The following SOS1 variants were observed in gnomAD, a reference collection of about 807,000 sequenced individuals.
SOS1 encodes the protein SOS Ras/Rac guanine nucleotide exchange factor 1, also known as son of sevenless homolog 1.
Under a neutral mutation model 157.6 loss-of-function variants are expected in SOS1, and 25 were observed. The observed-to-expected ratio is 0.16, with a 90% confidence interval of 0.12 to 0.22. SOS1 has a LOEUF of 0.22. Ranked by LOEUF, SOS1 falls within the 10% of genes least tolerant of loss-of-function variation. SOS1 has a pLI of 1.00. For synonymous variants in SOS1, 528 were observed against 534.0 expected (o/e 0.99, Z 0.16); for missense variants, 1,237 against 1,599.1 (o/e 0.77, Z 3.86).
chr2:39,102,456 A>T (rs1673005566), intron 1 of SOS1, among the ~76,000 whole-genome samples: 1 of 132,514 alleles, frequency 7.5e-6, no homozygotes, highest in South Asian at 2.6e-4. Context: ...ACTAAAACCC[A>T]GGAGGCCAAG....
At chr2:39,124,582 G>A (rs1054916437), upstream of SOS1, among the ~76,000 whole-genome samples, 3 of 152,254 alleles carry the variant, frequency 2.0e-5, no homozygotes, top group Admixed American at 1.3e-4. Flanking sequence ...TGCCCTGCTG[G>A]CCAGGACGCG....
At position 39,023,198 on chromosome 2, in the gene SOS1, C is replaced by T. The variant is rs141390073; in HGVS notation, c.1230G>A (p.Gln410=). The change falls in exon 10 of 23, where the codon CAG becomes CAA. Residue 410 remains glutamine (Q), a synonymous_variant. Transcript: ENST00000402219. ...TTGCTAGTTGTTTCCCCTTCATTTG[C>T]TGACTATAAAACCGACATGCAGATT... ...LSESACRFYS[Q]QMKGKQLAIK... 1.9e-3 allele frequency: 3,021 copies of T among 1,613,054 alleles called. 56 individuals are homozygous for T. In the Admixed American group the frequency reaches 0.036, roughly 19 times the overall value.
At chr2:38,988,945 C>CTTTTTT (rs3085353) in intron 21 of SOS1, among the ~76,000 whole-genome samples, 4 of 142,008 alleles carry the variant, frequency 2.8e-5, no homozygotes, top group Non-Finnish European at 6.1e-5. Flanking sequence ...ATGCTCTTGC[C>CTTTTTT]TTTTTTTTTT....
intron 10 of SOS1, among the ~76,000 whole-genome samples, chr2:39,020,272 GA>G (rs1669757629): frequency 6.6e-6 from 1 of 151,586 alleles, no homozygotes; most frequent in Non-Finnish European, 1.5e-5. Flanking sequence ...AAAGTTGGCT[GA>G]CACCACAGTG....
chr2:38,997,154 GTTTAT>G, intron 18 of SOS1, 94 bp downstream of exon 18: 1 of 1,117,930 alleles, frequency 8.9e-7, no homozygotes, highest in Non-Finnish European at 1.3e-6. Flanking sequence ...TTCTTTTAAG[GTTTAT>G]TTTACTTTTT....
At chr2:39,041,605 GAAGATTCAGACCTGTTTTCTTCC>G (rs773479703) in intron 6 of SOS1, among the ~76,000 whole-genome samples, 1 of 152,100 alleles carries the variant, frequency 6.6e-6, no homozygotes, top group Non-Finnish European at 1.5e-5. Flanking sequence ...TTGCCAAATT[GAAGATTCAGACCTGTTTTCTTCC>G]AAGAGTTTTA....
Position 39,037,608 on chromosome 2 carries a change from T to C in SOS1, c.865-2108A>G, listed in dbSNP as rs1036819215. ...GTGCTTCACTTTATTGTGCTTTGCA[T>C]ATATTGCCTTTTTTTTTTTTAACAA... On this transcript the variant is annotated intron_variant, in intron 6 of 22. Transcript: ENST00000402219. Among the ~76,000 whole-genome samples, 4 of 94,896 alleles carry C rather than the reference T, an allele frequency of 4.2e-5. No homozygotes were observed. The Admixed American group carries it at 5.1e-4, about 12-fold the overall frequency. The allele number at this position is 94,896 out of a possible 152,430, so 62.3% of individuals were successfully genotyped here. A position where few individuals can be genotyped will look rare whatever the true frequency, so the allele number is the denominator to read the frequency against.
At chr2:39,071,244 T>C (rs149452496) in intron 1 of SOS1, among the ~76,000 whole-genome samples, 153 of 152,236 alleles carry the variant, frequency 1.0e-3, no homozygotes, top group East Asian at 4.8e-3. Context: ...ACTGCAAATA[T>C]TGAACCTGGG....
intron 1 of SOS1, among the ~76,000 whole-genome samples, chr2:39,102,530 C>CAAAA (rs70954782): frequency 0.013 from 634 of 48,404 alleles, 6 homozygotes; most frequent in Middle Eastern, 0.083. Flanking sequence ...GACTCCATCT[C>CAAAA]AAAAAAAAAA....
At chr2:39,057,720 C>G (rs1054545544) in intron 3 of SOS1, among the ~76,000 whole-genome samples, 198 of 151,964 alleles carry the variant, frequency 1.3e-3, no homozygotes, top group African/African-American at 4.7e-3. Context: ...TGTTAATTCC[C>G]TTAGAATACA....
At chr2:39,105,318 G>T (rs1446249373) in intron 1 of SOS1, among the ~76,000 whole-genome samples, 9 of 150,014 alleles carry the variant, frequency 6.0e-5, no homozygotes. Context: ...TAGAGATGGG[G>T]TCTCACCATG....
intron 10 of SOS1, among the ~76,000 whole-genome samples, chr2:39,018,281 T>C (rs1669691449): frequency 6.6e-6 from 1 of 151,876 alleles, no homozygotes; most frequent in Admixed American, 6.6e-5. Flanking sequence ...CCTGATGAAT[T>C]TCAATATGGT....
At chr2:39,099,564 G>A (rs1672891675) in intron 1 of SOS1, among the ~76,000 whole-genome samples, 1 of 151,906 alleles carries the variant, frequency 6.6e-6, no homozygotes. Flanking sequence ...AATTGTATAG[G>A]TTAATACTAG....
At chr2:39,050,460 G>C in intron 6 of SOS1, among the ~76,000 whole-genome samples, 1 of 152,064 alleles carries the variant, frequency 6.6e-6, no homozygotes, top group East Asian at 1.9e-4. Context: ...ATTTCAGATA[G>C]GTTATTTAAT....
intron 1 of SOS1, among the ~76,000 whole-genome samples, chr2:39,105,433 C>A (rs1033544561): frequency 2.0e-5 from 3 of 152,086 alleles, no homozygotes; most frequent in Admixed American, 2.0e-4. Flanking sequence ...CTACTTTCTA[C>A]ATACTAGGAT....
chr2:39,114,504 T>C (rs1480757147), intron 1 of SOS1, among the ~76,000 whole-genome samples: 1 of 152,130 alleles, frequency 6.6e-6, no homozygotes, highest in Non-Finnish European at 1.5e-5. Context: ...GGTTTCTCCA[T>C]GTTGGTTAGG....
chr2:39,043,651 C>G (rs1303364689), intron 6 of SOS1, among the ~76,000 whole-genome samples: 7 of 152,302 alleles, frequency 4.6e-5, no homozygotes, highest in Non-Finnish European at 2.9e-5. Flanking sequence ...TGAGGGCTTT[C>G]TTGCTGGTAG....
chr2:39,101,538 C>A (rs916306100), intron 1 of SOS1, among the ~76,000 whole-genome samples: 29 of 151,872 alleles, frequency 1.9e-4, no homozygotes, highest in African/African-American at 6.5e-4. Flanking sequence ...CCTAACTATA[C>A]CTGGTTTGAA....
rs1411699614 is a variant in SOS1, at chr2:39,120,890, C to T, written c.-468G>A. ...GACTCCGAAACGCAAGAGCCCCGGG[C>T]GGGGCGGAGCTGGGGCGGAGGTCTC... On this transcript the variant is annotated 5_prime_UTR_variant, in exon 1 of 23. Coordinates refer to ENST00000402219, the MANE Select transcript of SOS1 (RefSeq NM_005633.4). The T allele has an allele frequency of 1.3e-5, 2 of 153,432 alleles. No individual in the cohort carries two copies. The highest frequency in any genetic ancestry group is 2.4e-5 in the African/African-American group (1 of 41,366). The allele number at this position is 153,432 out of a possible 1,614,324, so 9.5% of individuals were successfully genotyped here.
Sources: gnomAD v4.1 joint callset for allele counts (sites outside exome capture counted in the v4.1 genomes callset) on GRCh38, gnomAD v4.1.1 for gene constraint, MANE v1.5 for transcripts, NCBI Gene and HGNC (gene_info 2026-07-23, HGNC 2026-07-21) for gene names.